The following PKHD1 variants were observed in gnomAD, a reference collection of about 807,000 sequenced individuals.
PKHD1 encodes fibrocystin.
A neutral mutation model predicts 412.0 loss-of-function variants in PKHD1; 291 were observed. The ratio of observed to expected loss-of-function variants is 0.71; its 90% CI spans 0.64 to 0.78. The LOEUF is 0.78. Ranked by LOEUF, PKHD1 falls within the 30% of genes least tolerant of loss-of-function variation. The probability of loss-of-function intolerance (pLI) is 0.00; values close to 1 mark genes in which losing one functional copy is unlikely to be tolerated. For missense variants in PKHD1, 4,825 were observed against 4,950.7 expected, an observed-to-expected ratio of 0.97 and a Z score of 0.76; for synonymous variants, 1,777 against 1,821.5, an observed-to-expected ratio of 0.98 and a Z score of 0.62.
intron 35 of PKHD1, among the ~76,000 whole-genome samples, chr6:52,008,739 T>G (rs775954773): frequency 6.6e-6 from 1 of 152,042 alleles, no homozygotes; most frequent in Non-Finnish European, 1.5e-5. Context: ...ACCAACCCTA[T>G]GAAGTGGGAA....
intron 21 of PKHD1, among the ~76,000 whole-genome samples, 184 bp from the exon 22 acceptor site, chr6:52,050,479 T>C (rs1236857320): frequency 1.1e-4 from 17 of 152,186 alleles, no homozygotes; most frequent in Non-Finnish European, 2.5e-4. Flanking sequence ...TTCAGTTTAG[T>C]ACAAAAAGGA....
Position 51,934,123 on chromosome 6 carries a change from A to G in PKHD1, c.6108T>C (p.Thr2036=). The G allele has an allele frequency of 1.2e-6, 2 of 1,611,716 alleles. No individual in the cohort carries two copies. The highest frequency in any genetic ancestry group is 1.7e-6 in the Non-Finnish European group (2 of 1,177,738). The change falls in exon 37 of 67, where the codon ACT becomes ACC. Residue 2036 remains threonine (T), a synonymous_variant. Coordinates refer to ENST00000371117, the MANE Select transcript of PKHD1 (RefSeq NM_138694.4). ...GVKFLAVRNG[T]LSLHGSLPEV... is the part of the protein sequence containing the mutation. ...TGCCTCACTCACCGTGCAGAGAAAG[A>G]GTTCCATTCCTCACAGCCAGGAACT...
rs45500692 is a variant in PKHD1, at chr6:52,055,687, G to A, written c.1736C>T (p.Thr579Met). The change falls in exon 19 of 67, where the codon ACG (threonine) becomes ATG (methionine). Residue 579 changes from threonine (T) to methionine (M), a missense_variant. Physicochemically the swap from Thr to Met is moderately conservative, Grantham distance 81. Coordinates refer to ENST00000371117, the MANE Select transcript of PKHD1 (RefSeq NM_138694.4). ...GCTGAACCTGCCACAGAAGGGCTCC[G>A]TCCCACTGGTGAGGTCCCCATCAGA... ...SNSDGDLTSG[T>M]EPFCGRFSLR... 47,559 of 1,613,766 alleles carry A rather than the reference G, an allele frequency of 0.029. 825 individuals are homozygous for A. Among genetic ancestry groups the A allele is most frequent in the Non-Finnish European group, 0.035 (40,948 of 1,179,732 alleles).
rs115594744 is a variant in PKHD1 at position 52,043,117 on chromosome 6, T to C, written c.2839A>G (p.Met947Val). The C allele has an allele frequency of 1.4e-5, 22 of 1,612,664 alleles. No individual in the cohort carries two copies. The highest frequency in any genetic ancestry group is 1.8e-5 in the Non-Finnish European group (21 of 1,178,778). ...WYSIDGDINL[M>V]IYITGTGFSG... is the part of the protein sequence containing the mutation. The stretch of plus-strand genomic sequence containing the variant: ...AAACCAGTTCCGGTAATGTAAATCA[T>C]TAGGTTGATGTCACCATCTTAAAGG... Residue 947 changes from methionine (M) to valine (V), a missense_variant, in exon 27 of 67, where the codon ATG becomes GTG. By Grantham distance (21) the Met-to-Val change is conservative. Transcript: ENST00000371117.
chr6:52,053,239 A>G lies in PKHD1; in HGVS notation c.1977T>C (p.Asp659=), dbSNP rs1234418254. Residue 659 remains aspartate (D), a synonymous_variant, in exon 21 of 67, where the codon GAT becomes GAC. Coordinates refer to ENST00000371117, the MANE Select transcript of PKHD1 (RefSeq NM_138694.4). The part of the protein sequence containing the change: ...TRTSPESWQF[D]CTDLWETCVR... ...CACAAGTCTCCCAGAGGTCAGTGCA[A>G]TCGAACTGCCAGCTGAAAAACAGCA... 2 of 1,614,174 alleles carry G rather than the reference A, an allele frequency of 1.2e-6. No homozygotes were observed. Among genetic ancestry groups the G allele is most frequent in the South Asian group, 1.1e-5 (1 of 91,060 alleles).
rs1029905906 is a variant in PKHD1, at chr6:51,940,826, A to G, written c.5909-6504T>C. On this transcript the variant is annotated intron_variant, in intron 36 of 66. Coordinates refer to ENST00000371117, the MANE Select transcript of PKHD1 (RefSeq NM_138694.4). Reference sequence around the variant, plus strand: ...CCTTGCCTCCATAACTGTTGTGGGTATTGACGGCCAGGCTTCTAAACCTCT... The same window carrying G: ...CCTTGCCTCCATAACTGTTGTGGGTGTTGACGGCCAGGCTTCTAAACCTCT... Among the ~76,000 whole-genome samples the G allele has an allele frequency of 3.0e-4, 45 of 151,556 alleles. 2 individuals are homozygous for G. Among genetic ancestry groups the G allele is most frequent in the Non-Finnish European group, 5.8e-4 (39 of 67,692 alleles).
At chr6:51,696,507 T>C (rs1778818280) in intron 60 of PKHD1, among the ~76,000 whole-genome samples, 2 of 152,224 alleles carry the variant, frequency 1.3e-5, no homozygotes, top group African/African-American at 4.8e-5. Flanking sequence ...ACCCCTTCTG[T>C]GCAACCTCCC....
chr6:51,856,844 A>G (rs1056922975), intron 48 of PKHD1, among the ~76,000 whole-genome samples: 1 of 152,238 alleles, frequency 6.6e-6, no homozygotes, highest in Non-Finnish European at 1.5e-5. Context: ...CTGCCCTGGC[A>G]CAGGGCCCAG....
chr6:51,836,546 A>C (rs1247827087), intron 50 of PKHD1, 77 bp from the exon 51 acceptor site: 6 of 1,048,336 alleles, frequency 5.7e-6, no homozygotes. Context: ...GTGAGAAAAG[A>C]AGAATTTATG....
At chr6:51,946,185 G>A (rs1001986299) in intron 36 of PKHD1, among the ~76,000 whole-genome samples, 10 of 152,028 alleles carry the variant, frequency 6.6e-5, no homozygotes, top group Non-Finnish European at 1.2e-4. Context: ...GCTAATGAAG[G>A]GAGAAAAACT....
chr6:51,933,694 G>A (rs961602949), intron 37 of PKHD1, among the ~76,000 whole-genome samples: 2 of 152,198 alleles, frequency 1.3e-5, no homozygotes, highest in African/African-American at 4.8e-5. Flanking sequence ...TTCTCAAGTG[G>A]CAGGAAGAAA....
intron 52 of PKHD1, among the ~76,000 whole-genome samples, chr6:51,808,540 G>A (rs1720078220): frequency 6.6e-6 from 1 of 152,010 alleles, no homozygotes; most frequent in African/African-American, 2.4e-5. Context: ...TTGCATGTGT[G>A]TGTGTTTATG....
At chr6:51,958,814 T>TAC (rs112637668) in intron 36 of PKHD1, among the ~76,000 whole-genome samples, 16,683 of 149,076 alleles carry the variant, frequency 0.11, 1,250 homozygotes, top group African/African-American at 0.22. Flanking sequence ...AGCCACTAGC[T>TAC]ACACACACAC....
chr6:51,887,018 C>T, intron 44 of PKHD1, 115 bp downstream of exon 44: 1 of 751,394 alleles, frequency 1.3e-6, no homozygotes, highest in Non-Finnish European at 2.4e-6. Context: ...AGAAAATGCA[C>T]AGGAACATCA....
intron 63 of PKHD1, among the ~76,000 whole-genome samples, chr6:51,643,779 T>C (rs1359381132): frequency 6.6e-6 from 1 of 152,128 alleles, no homozygotes; most frequent in Non-Finnish European, 1.5e-5. Flanking sequence ...GCTGCACCTA[T>C]CAACTCATCA....
chr6:51,737,767 G>A (rs1353832548), intron 60 of PKHD1, among the ~76,000 whole-genome samples: 1 of 151,666 alleles, frequency 6.6e-6, no homozygotes, highest in African/African-American at 2.4e-5. Flanking sequence ...TCAAAGGTCT[G>A]GACTTTACAC....
At chr6:51,721,986 CTA>C in intron 60 of PKHD1, 1 of 1,613,582 alleles carries the variant, frequency 6.2e-7, no homozygotes, top group Non-Finnish European at 8.5e-7. Flanking sequence ...GGCTCCTCCT[CTA>C]TTCTGAAATC....
chr6:51,748,864 G>C (rs1362118785), intron 57 of PKHD1, among the ~76,000 whole-genome samples, 199 bp from the exon 58 acceptor site: 1 of 152,154 alleles, frequency 6.6e-6, no homozygotes, highest in Non-Finnish European at 1.5e-5. Context: ...TGCCTGAATT[G>C]CATGTGCAGT....
intron 53 of PKHD1, among the ~76,000 whole-genome samples, chr6:51,779,356 C>G (rs2025748): frequency 0.59 from 88,971 of 151,774 alleles, 26,840 homozygotes; most frequent in East Asian, 0.83. Context: ...AAACCCAGTT[C>G]AGATGCCACC....
Sources: gnomAD v4.1 joint callset for allele counts (sites outside exome capture counted in the v4.1 genomes callset) on GRCh38, gnomAD v4.1.1 for gene constraint, MANE v1.5 for transcripts, NCBI Gene and HGNC (gene_info 2026-07-23, HGNC 2026-07-21) for gene names.